The following GABBR2 variants were observed in gnomAD, a reference collection of about 807,000 sequenced individuals.
GABBR2 encodes G-protein coupled receptor 51.
In GABBR2, 23 loss-of-function variants were observed where a neutral mutation model predicts 105.6. The ratio of observed to expected loss-of-function variants is 0.22; its 90% CI spans 0.16 to 0.31. GABBR2 has a LOEUF of 0.31. Ranked by LOEUF, GABBR2 falls within the 10% of genes least tolerant of loss-of-function variation. GABBR2 has a pLI of 1.00. For synonymous variants in GABBR2, 478 were observed against 499.7 expected (o/e 0.96, Z 0.58); for missense variants, 734 against 1,245.5 (o/e 0.59, Z 6.18).
intron 11 of GABBR2, among the ~76,000 whole-genome samples, chr9:98,376,678 C>T (rs934391036): frequency 3.3e-5 from 5 of 152,166 alleles, no homozygotes; most frequent in African/African-American, 1.2e-4. Flanking sequence ...TGAAGAGCAG[C>T]CTCTAGAAAC....
intron 1 of GABBR2, among the ~76,000 whole-genome samples, chr9:98,617,756 G>A (rs545761623): frequency 6.4e-4 from 98 of 152,212 alleles, no homozygotes; most frequent in Non-Finnish European, 1.2e-3. Flanking sequence ...AAAGCTTCAC[G>A]AAACCCAACA....
At chr9:98,460,352 G>A (rs368789202) in intron 6 of GABBR2, among the ~76,000 whole-genome samples, 9 of 152,064 alleles carry the variant, frequency 5.9e-5, no homozygotes, top group East Asian at 5.8e-4. Context: ...CTCTGGCCTC[G>A]GTGACAGAGC....
Position 98,614,589 on chromosome 9 carries a change from T to A in GABBR2, c.322-36517A>T, listed in dbSNP as rs181293384. Among the ~76,000 whole-genome samples the A allele has an allele frequency of 2.9e-3, 440 of 152,138 alleles. 1 individual carries two copies. Among genetic ancestry groups the A allele is most frequent in the African/African-American group, 0.01 (419 of 41,500 alleles). The stretch of plus-strand genomic sequence containing the variant: ...ATTAAAATGAGTAAAACAAAATGGG[T>A]TATAGAATGTTATATATAGTATGAT... On this transcript the variant is annotated intron_variant, in intron 1 of 18. Coordinates refer to ENST00000259455, the MANE Select transcript of GABBR2 (RefSeq NM_005458.8).
intron 3 of GABBR2, among the ~76,000 whole-genome samples, chr9:98,508,380 C>T (rs559383062): frequency 1.1e-4 from 17 of 152,296 alleles, no homozygotes; most frequent in South Asian, 2.1e-4. Context: ...ACTGAAGTAC[C>T]GGGTTCATCT....
intron 5 of GABBR2, among the ~76,000 whole-genome samples, chr9:98,480,640 C>G (rs1489564698): frequency 1.3e-5 from 2 of 152,126 alleles, no homozygotes; most frequent in African/African-American, 4.8e-5. Context: ...TCAGCCTCAC[C>G]CTGATTTCTG....
intron 13 of GABBR2, among the ~76,000 whole-genome samples, chr9:98,353,810 G>C (rs954304904): frequency 1.4e-4 from 21 of 152,090 alleles, no homozygotes; most frequent in South Asian, 2.1e-4. Context: ...TCATGGTGGG[G>C]GGGGGTGGCG....
chr9:98,656,172 T>C (rs1043689870), intron 1 of GABBR2, among the ~76,000 whole-genome samples: 2 of 152,166 alleles, frequency 1.3e-5, no homozygotes, highest in Non-Finnish European at 2.9e-5. Context: ...TGGGTGATCA[T>C]GGCCTACAGC....
At chr9:98,569,330 T>C (rs1828794445) in intron 2 of GABBR2, among the ~76,000 whole-genome samples, 1 of 152,190 alleles carries the variant, frequency 6.6e-6, no homozygotes. Flanking sequence ...ACGTTGTGTG[T>C]ACTTTGAGCA....
chr9:98,663,947 C>T (rs1361945073), intron 1 of GABBR2, among the ~76,000 whole-genome samples: 1 of 152,126 alleles, frequency 6.6e-6, no homozygotes, highest in African/African-American at 2.4e-5. Flanking sequence ...CAAACATGGC[C>T]ACCTTGTTAG....
At chr9:98,587,068 C>A (rs1829088332) in intron 1 of GABBR2, among the ~76,000 whole-genome samples, 1 of 152,206 alleles carries the variant, frequency 6.6e-6, no homozygotes, top group Non-Finnish European at 1.5e-5. Context: ...CTCACTGCTC[C>A]ATATCCTTGC....
At chr9:98,468,841 A>G (rs1331013822) in intron 6 of GABBR2, among the ~76,000 whole-genome samples, 1 of 152,188 alleles carries the variant, frequency 6.6e-6, no homozygotes, top group African/African-American at 2.4e-5. Context: ...ACAGAGGCCC[A>G]CTGAGATGCC....
chr9:98,655,934 T>C (rs1830177785), intron 1 of GABBR2, among the ~76,000 whole-genome samples: 1 of 152,172 alleles, frequency 6.6e-6, no homozygotes, highest in Admixed American at 6.5e-5. Context: ...TGTATACCTA[T>C]GTAACAAACC....
At chr9:98,651,833 A>C (rs1305357481) in intron 1 of GABBR2, among the ~76,000 whole-genome samples, 1 of 152,226 alleles carries the variant, frequency 6.6e-6, no homozygotes, top group East Asian at 1.9e-4. Context: ...TTTATTAGAC[A>C]ATTGGAAATT....
chr9:98,497,388 A>G (rs1827302885), intron 3 of GABBR2, among the ~76,000 whole-genome samples: 1 of 152,076 alleles, frequency 6.6e-6, no homozygotes, highest in Non-Finnish European at 1.5e-5. Context: ...TTTAAAATAT[A>G]AAATCCCCTA....
chr9:98,569,368 C>T (rs1444548091), intron 2 of GABBR2, among the ~76,000 whole-genome samples: 1 of 152,154 alleles, frequency 6.6e-6, no homozygotes, highest in Admixed American at 6.5e-5. Context: ...CATTCCATCC[C>T]TGACTCCTTA....
chr9:98,430,238 CA>C (rs1304033466), intron 7 of GABBR2, among the ~76,000 whole-genome samples: 1 of 135,576 alleles, frequency 7.4e-6, no homozygotes, highest in Non-Finnish European at 1.5e-5. Context: ...TGCAGTGAGC[CA>C]AGATCATGCC....
intron 1 of GABBR2, among the ~76,000 whole-genome samples, chr9:98,609,006 T>C (rs1317228963): frequency 6.6e-6 from 1 of 152,216 alleles, no homozygotes; most frequent in Non-Finnish European, 1.5e-5. Context: ...CTCTTAATTT[T>C]ACTAGAAATG....
intron 7 of GABBR2, among the ~76,000 whole-genome samples, 179 bp from the exon 8 acceptor site, chr9:98,406,320 G>A (rs1420521070): frequency 1.3e-5 from 2 of 152,372 alleles, no homozygotes; most frequent in East Asian, 3.9e-4. Context: ...AATTGGTTGT[G>A]ACTTTATCTG....
chr9:98,334,565 A>G (rs1036664131), intron 13 of GABBR2, among the ~76,000 whole-genome samples: 5 of 147,290 alleles, frequency 3.4e-5, no homozygotes, highest in African/African-American at 1.3e-4. Flanking sequence ...TTATTATAGT[A>G]CGTGTTTGCT....
Sources: gnomAD v4.1 joint callset for allele counts (sites outside exome capture counted in the v4.1 genomes callset) on GRCh38, gnomAD v4.1.1 for gene constraint, MANE v1.5 for transcripts, NCBI Gene and HGNC (gene_info 2026-07-23, HGNC 2026-07-21) for gene names.